Variants in FOXK2 observed in about 807,000 individuals in gnomAD.
The protein encoded by FOXK2 is forkhead box K2.
A neutral mutation model predicts 53.3 loss-of-function variants in FOXK2; 24 were observed. The observed-to-expected ratio is 0.45, with a 90% CI of 0.33 to 0.63. The LOEUF is 0.63. FOXK2 is among the 30% of genes least tolerant of loss of function. The pLI is 0.03. For synonymous variants in FOXK2, 505 were observed against 407.1 expected, an observed-to-expected ratio of 1.24 and a Z score of -2.89; for missense variants, 952 against 910.5, an observed-to-expected ratio of 1.05 and a Z score of -0.59.
chr17:82,546,925 A>G (rs2044631287), intron 1 of FOXK2, among the ~76,000 whole-genome samples: 2 of 151,926 alleles, frequency 1.3e-5, no homozygotes, highest in African/African-American at 4.8e-5. Flanking sequence ...AAAAATACCA[A>G]AATTAGTCGG....
intron 1 of FOXK2, among the ~76,000 whole-genome samples, chr17:82,559,824 G>A (rs746718610): frequency 1.1e-4 from 16 of 152,034 alleles, no homozygotes; most frequent in Non-Finnish European, 7.4e-5. Context: ...AAGCTTTAGA[G>A]CAGGAAGGAA....
intron 1 of FOXK2, chr17:82,559,436 C>T: frequency 2.2e-6 from 1 of 456,376 alleles, no homozygotes; most frequent in South Asian, 1.5e-5. Context: ...TTTGTGTCCA[C>T]CTGGTTCTGC....
chr17:82,539,921 A>T (rs2044558530), intron 1 of FOXK2, among the ~76,000 whole-genome samples: 1 of 151,702 alleles, frequency 6.6e-6, no homozygotes, highest in African/African-American at 2.4e-5. Flanking sequence ...AGCTGGGATC[A>T]TGCCACTGCA....
intron 5 of FOXK2, 116 bp downstream of exon 5, chr17:82,583,050 G>A (rs748372665): frequency 4.0e-6 from 3 of 758,400 alleles, no homozygotes; most frequent in Non-Finnish European, 5.9e-6. Context: ...ATGATTAAAT[G>A]TTGGGATGGG....
intron 1 of FOXK2, among the ~76,000 whole-genome samples, chr17:82,556,418 T>G (rs558089424): frequency 9.0e-4 from 136 of 151,144 alleles, no homozygotes; most frequent in Non-Finnish European, 1.7e-3. Context: ...CACTCCAGTC[T>G]GGGCAATAGA....
chr17:82,574,186 G>A (rs2044954804), intron 4 of FOXK2, among the ~76,000 whole-genome samples: 1 of 152,220 alleles, frequency 6.6e-6, no homozygotes, highest in African/African-American at 2.4e-5. Flanking sequence ...ATGGAGGTCT[G>A]TAAGTCTACA....
chr17:82,537,074 C>T (rs1009473815), intron 1 of FOXK2, among the ~76,000 whole-genome samples: 5 of 152,016 alleles, frequency 3.3e-5, no homozygotes, highest in South Asian at 2.1e-4. Flanking sequence ...TAAAGCTTAG[C>T]GGTTGGTTGT....
intron 1 of FOXK2, among the ~76,000 whole-genome samples, chr17:82,543,369 G>A (rs2044592342): frequency 6.6e-6 from 1 of 151,562 alleles, no homozygotes; most frequent in Non-Finnish European, 1.5e-5. Context: ...CGGGGAGGCC[G>A]TAGGTGAGAA....
intron 8 of FOXK2, 96 bp downstream of exon 8, chr17:82,587,368 G>C: frequency 3.2e-6 from 3 of 939,350 alleles, no homozygotes. Flanking sequence ...AACAATTTTA[G>C]CTTTTGTCTG....
At chr17:82,582,626 A>G in intron 4 of FOXK2, 115 bp from the exon 5 acceptor site, 1 of 778,294 alleles carries the variant, frequency 1.3e-6, no homozygotes, top group Non-Finnish European at 2.0e-6. Context: ...TCACTCTTGC[A>G]GTCTGCCAGG....
At chr17:82,568,283 A>G in intron 3 of FOXK2, 82 bp downstream of exon 3, 2 of 1,516,780 alleles carry the variant, frequency 1.3e-6, no homozygotes, top group Admixed American at 2.0e-5. Context: ...CCTGTCACTC[A>G]CCTGCCTGTC....
At chr17:82,562,582 A>G (rs1008817985) in intron 1 of FOXK2, among the ~76,000 whole-genome samples, 8 of 97,744 alleles carry the variant, frequency 8.2e-5, no homozygotes, top group Non-Finnish European at 2.1e-4. Flanking sequence ...CTCTGTTTCT[A>G]AAAAAAAAAA....
chr17:82,570,703 T>C (rs1462896356), intron 3 of FOXK2, among the ~76,000 whole-genome samples: 1 of 152,248 alleles, frequency 6.6e-6, no homozygotes, highest in Non-Finnish European at 1.5e-5. Context: ...CTTGAATGTA[T>C]TTTTTCATCC....
intron 1 of FOXK2, among the ~76,000 whole-genome samples, chr17:82,535,712 C>G (rs190377090): frequency 1.1e-4 from 17 of 151,278 alleles, no homozygotes. Context: ...TTCACACACA[C>G]GTTGTTTTCC....
rs71168116 is a variant in FOXK2 at position 82,555,885 on chromosome 17, CAAAAAAAAAA to C, written c.420-7447_420-7438del. 2.3e-4 allele frequency among the ~76,000 whole-genome samples: 17 copies of C among 74,248 alleles called. 1 individual carries two copies. The highest frequency in any genetic ancestry group is 3.7e-4 in the African/African-American group (7 of 18,700). 48.7% of individuals were successfully genotyped at this position (74,248 alleles called of 152,430 possible). On this transcript the variant is annotated intron_variant, in intron 1 of 8. Coordinates refer to ENST00000335255, the MANE Select transcript of FOXK2 (RefSeq NM_004514.4). Reference sequence around the variant, plus strand: ...CCTGGGCGAAAGCAAGACTCTATCACAAAAAAAAAAAAAAAAAAAAAAAAAAAAAAAGAAA... The same window carrying C: ...CCTGGGCGAAAGCAAGACTCTATCACAAAAAAAAAAAAAAAAAAAAAGAAA...
chr17:82,540,963 G>C (rs1336223661), intron 1 of FOXK2, among the ~76,000 whole-genome samples: 2 of 152,164 alleles, frequency 1.3e-5, no homozygotes, highest in Non-Finnish European at 2.9e-5. Flanking sequence ...ATAGCTTGGA[G>C]TGTGATCTTT....
chr17:82,568,917 G>A (rs1039489423), intron 3 of FOXK2, among the ~76,000 whole-genome samples: 5 of 152,098 alleles, frequency 3.3e-5, no homozygotes, highest in South Asian at 2.1e-4. Flanking sequence ...AGGCTGAGGC[G>A]GGAGAATCAC....
chr17:82,570,502 A>C (rs988927268), intron 3 of FOXK2, among the ~76,000 whole-genome samples: 9 of 152,138 alleles, frequency 5.9e-5, no homozygotes, highest in Middle Eastern at 3.2e-3. Flanking sequence ...CCAGAAAAGA[A>C]AAGACAAACG....
chr17:82,586,495 TGGGCCGGGGGGGAA>T (rs1325392476), intron 7 of FOXK2, among the ~76,000 whole-genome samples: 9 of 9,158 alleles, frequency 9.8e-4, no homozygotes, highest in African/African-American at 3.0e-3. Flanking sequence ...AGGTCAAAGG[TGGGCCGGGGGGGAA>T]AGGAGGAGAG....
Sources: allele counts gnomAD v4.1 joint callset (sites outside exome capture counted in the v4.1 genomes callset), GRCh38; gene constraint gnomAD v4.1.1; transcripts MANE v1.5; gene names NCBI Gene and HGNC (gene_info 2026-07-23, HGNC 2026-07-21).